The following PPA2 variants were observed in gnomAD, a reference collection of about 807,000 sequenced individuals.
PPA2 encodes the protein inorganic pyrophosphatase 2, mitochondrial.
PPA2 carries 48 observed loss-of-function variants against 49.5 expected under a neutral mutation model. That is an observed-to-expected ratio of 0.97 (90% confidence interval 0.77 to 1.23). The LOEUF is 1.23. PPA2 is among the 50% of genes most tolerant of loss of function. PPA2 has a pLI of 0.00. For synonymous variants in PPA2, 131 were observed against 139.9 expected (o/e 0.94, Z 0.45); for missense variants, 429 against 410.1 (o/e 1.05, Z -0.40).
chr4:105,446,446 T>C lies in PPA2; in HGVS notation c.378A>G (p.Leu126=), dbSNP rs751399723. The change falls in exon 5 of 12, where the codon CTA becomes CTG. Residue 126 remains leucine (L), a synonymous_variant. Coordinates refer to ENST00000341695, the MANE Select transcript of PPA2 (RefSeq NM_176869.3). Reference sequence around the variant, plus strand: ...AAGGGAAGATATTCGCCACATAGCGTAGCTTTCCATCCTTTACATATTGTT... The same window carrying C: ...AAGGGAAGATATTCGCCACATAGCGCAGCTTTCCATCCTTTACATATTGTT... ...PIKQYVKDGK[L]RYVANIFPYK... 5 of 1,606,748 alleles carry C rather than the reference T, an allele frequency of 3.1e-6. No homozygotes were observed. Among genetic ancestry groups the C allele is most frequent in the Non-Finnish European group, 4.2e-6 (5 of 1,177,372 alleles).
intron 6 of PPA2, 31 bp from the exon 7 acceptor site, chr4:105,424,353 A>T: frequency 1.3e-6 from 2 of 1,565,720 alleles, no homozygotes; most frequent in Non-Finnish European, 1.7e-6. Context: ...CACTATTTGC[A>T]AGGCTTTGGA....
At chr4:105,450,459 C>T (rs553903423) in intron 3 of PPA2, among the ~76,000 whole-genome samples, 3 of 151,630 alleles carry the variant, frequency 2.0e-5, no homozygotes, top group Non-Finnish European at 4.4e-5. Context: ...TCACTGCAAC[C>T]TCCACCTCCT....
At chr4:105,436,791 C>T (rs1037126482) in intron 6 of PPA2, among the ~76,000 whole-genome samples, 1 of 152,000 alleles carries the variant, frequency 6.6e-6, no homozygotes, top group South Asian at 2.1e-4. Context: ...AAACTGGACC[C>T]CTATCTCTCA....
chr4:105,438,834 C>A (rs930227893), intron 5 of PPA2, among the ~76,000 whole-genome samples: 3 of 151,996 alleles, frequency 2.0e-5, no homozygotes, highest in Non-Finnish European at 4.4e-5. Context: ...GACCGTCATC[C>A]CAAGAATCAG....
intron 6 of PPA2, among the ~76,000 whole-genome samples, chr4:105,426,905 T>C (rs1723538663): frequency 6.6e-6 from 1 of 152,182 alleles, no homozygotes; most frequent in African/African-American, 2.4e-5. Flanking sequence ...CCTCCTCAAG[T>C]GGGTCCCTGA....
At chr4:105,423,948 GGGAA>G (rs1252871258) in intron 7 of PPA2, among the ~76,000 whole-genome samples, 1 of 152,012 alleles carries the variant, frequency 6.6e-6, no homozygotes, top group Non-Finnish European at 1.5e-5. Context: ...GAAGAAAGGA[GGGAA>G]GGAAGGAGTG....
rs184408103 is a variant in PPA2 at position 105,372,396 on chromosome 4, C to T, written c.940-1523G>A. Among the ~76,000 whole-genome samples, 3 of 152,284 alleles carry T rather than the reference C, an allele frequency of 2.0e-5. No individual in the cohort carries two copies. The East Asian group carries it at 5.8e-4, about 29-fold the overall frequency. On this transcript the variant is annotated intron_variant, in intron 10 of 11. Transcript: ENST00000341695. ...TAAATCTAAGGGCAGTACTGAATAG[C>T]CACCACTCCACCAGAAGAAAGATTT...
intron 10 of PPA2, among the ~76,000 whole-genome samples, chr4:105,379,302 T>C (rs1251309276): frequency 6.6e-6 from 1 of 151,980 alleles, no homozygotes; most frequent in Non-Finnish European, 1.5e-5. Context: ...ATTTTCTAAT[T>C]GTAGCCAGTA....
intron 10 of PPA2, among the ~76,000 whole-genome samples, chr4:105,375,176 C>T (rs1260931755): frequency 1.3e-5 from 2 of 152,080 alleles, no homozygotes; most frequent in Non-Finnish European, 2.9e-5. Context: ...TCTATTAATA[C>T]TTCCTCTTCA....
chr4:105,437,945 C>A lies in PPA2; in HGVS notation c.528+5G>T. The A allele has an allele frequency of 6.3e-7, 1 of 1,594,308 alleles. No homozygotes were observed. Among genetic ancestry groups the A allele is most frequent in the Admixed American group, 1.8e-5 (1 of 54,592 alleles). On this transcript the variant is annotated splice_donor_5th_base_variant and intron_variant, in intron 6 of 11. Transcript: ENST00000341695. The stretch of plus-strand genomic sequence containing the variant: ...GTTAGAATTAATACAGTCTATAAAA[C>A]AAACCTTTGAGCCTATTTCGCAAAC...
rs116732038 is a variant in PPA2, at chr4:105,472,556, A to G, written c.157+1338T>C. On this transcript the variant is annotated intron_variant, in intron 1 of 11. Coordinates refer to ENST00000341695, the MANE Select transcript of PPA2 (RefSeq NM_176869.3). ...TAATTTTTTCTGACTATTCCCATTA[A>G]TCATCACATGGTAACCTTTTAGAAC... Among the ~76,000 whole-genome samples the G allele has an allele frequency of 9.7e-3, 1,473 of 152,320 alleles. 21 individuals carry two copies. The highest frequency in any genetic ancestry group is 0.034 in the African/African-American group (1,393 of 41,552).
At chr4:105,425,221 C>G (rs113517927) in intron 6 of PPA2, among the ~76,000 whole-genome samples, 3,166 of 151,920 alleles carry the variant, frequency 0.021, 50 homozygotes, top group Middle Eastern at 0.061. Flanking sequence ...AAATGTAAAC[C>G]CTAAATGGGG....
At position 105,424,362 on chromosome 4, in the gene PPA2, G is replaced by A. The variant is rs754199857; in HGVS notation, c.529-40C>T. The A allele has an allele frequency of 3.9e-6, 6 of 1,537,402 alleles. No homozygotes were observed. The East Asian group carries it at 1.4e-4, about 35-fold the overall frequency. On this transcript the variant is annotated intron_variant, in intron 6 of 11. Transcript: ENST00000341695. ...GAAATTCACTATTTGCAAGGCTTTGGAGAGTTTACTCACATATCACAAAAT... is the reference window on the plus strand; with the variant it reads ...GAAATTCACTATTTGCAAGGCTTTGAAGAGTTTACTCACATATCACAAAAT...
At position 105,446,513 on chromosome 4, in the gene PPA2, C is replaced by T. The variant is rs1333500756; in HGVS notation, c.322-11G>A. The T allele has an allele frequency of 4.4e-6, 7 of 1,596,128 alleles. No homozygotes were observed. The East Asian group carries it at 6.8e-5, about 16-fold the overall frequency. On this transcript the variant is annotated splice_polypyrimidine_tract_variant and intron_variant, in intron 4 of 11. Coordinates refer to ENST00000341695, the MANE Select transcript of PPA2 (RefSeq NM_176869.3). ...CTCCTTGGTGGCAATCTAAGCAAAT[C>T]ACAGAAGGAAGAAAAGGAGATGGGA... is the stretch of plus-strand genomic sequence containing the variant.
intron 1 of PPA2, among the ~76,000 whole-genome samples, chr4:105,472,837 C>A (rs1366944235): frequency 7.2e-5 from 11 of 152,164 alleles, no homozygotes; most frequent in African/African-American, 2.7e-4. Flanking sequence ...TCGGTATTAA[C>A]AATAGTAATT....
At chr4:105,435,176 T>G (rs1333164279) in intron 6 of PPA2, among the ~76,000 whole-genome samples, 1 of 152,198 alleles carries the variant, frequency 6.6e-6, no homozygotes, top group African/African-American at 2.4e-5. Context: ...TACAGCTGAT[T>G]CAACCACTCA....
intron 11 of PPA2, chr4:105,370,448 ATAAC>A (rs1732976706): frequency 7.8e-6 from 2 of 257,872 alleles, no homozygotes; most frequent in African/African-American, 2.3e-5. Flanking sequence ...TTTTAATTCT[ATAAC>A]TATAGATTTT....
At chr4:105,452,595 G>T (rs945763492) in intron 3 of PPA2, among the ~76,000 whole-genome samples, 10 of 152,170 alleles carry the variant, frequency 6.6e-5, no homozygotes, top group African/African-American at 2.4e-4. Context: ...AGCAGGCAAA[G>T]GTTGTAGGAA....
intron 2 of PPA2, among the ~76,000 whole-genome samples, chr4:105,454,143 A>G (rs1400946947): frequency 6.6e-6 from 1 of 152,150 alleles, no homozygotes; most frequent in African/African-American, 2.4e-5. Context: ...ATTAAAACTG[A>G]CTTCGTGGTG....
Sources: gnomAD v4.1 joint callset for allele counts (sites outside exome capture counted in the v4.1 genomes callset) on GRCh38, gnomAD v4.1.1 for gene constraint, MANE v1.5 for transcripts, NCBI Gene and HGNC (gene_info 2026-07-23, HGNC 2026-07-21) for gene names.